GYS1: variants seen among roughly 807,000 people sequenced by gnomAD.
GYS1 encodes glycogen [starch] synthase, muscle.
In GYS1, 60 loss-of-function variants were observed where a neutral mutation model predicts 89.1. That is an observed-to-expected ratio of 0.67 (90% confidence interval 0.55 to 0.84). GYS1 has a LOEUF of 0.84. GYS1 is among the 40% of genes least tolerant of loss of function. The pLI is 0.00. For synonymous variants in GYS1, 366 were observed against 401.7 expected, an observed-to-expected ratio of 0.91 and a Z score of 1.06; for missense variants, 888 against 1,003.1, an observed-to-expected ratio of 0.89 and a Z score of 1.55.
intron 2 of GYS1, among the ~76,000 whole-genome samples, chr19:48,989,240 G>A (rs1003557922): frequency 6.6e-6 from 1 of 151,784 alleles, no homozygotes; most frequent in African/African-American, 2.4e-5. Flanking sequence ...CTAGCTCTTT[G>A]GGGGGCCGAG....
At chr19:48,971,060 C>T (rs765672940) in intron 12 of GYS1, 37 bp from the exon 13 acceptor site, 2 of 1,384,636 alleles carry the variant, frequency 1.4e-6, no homozygotes, top group Admixed American at 1.7e-5. Context: ...CTTAGCTTCC[C>T]TCATCGCCTA....
rs1220009834 is a variant in GYS1, at chr19:48,968,829, C to T, written c.*459G>A. 7 of 457,786 alleles carry T rather than the reference C, an allele frequency of 1.5e-5. No individual in the cohort carries two copies. The highest frequency in any genetic ancestry group is 4.6e-5 in the South Asian group (3 of 64,518). 28.4% of individuals were successfully genotyped at this position (457,786 alleles called of 1,614,324 possible). A position where few individuals can be genotyped will look rare whatever the true frequency, so the allele number is the denominator to read the frequency against. On this transcript the variant is annotated 3_prime_UTR_variant, in exon 16 of 16. Transcript: ENST00000323798. The stretch of plus-strand genomic sequence containing the variant: ...AAAGTGCCCCGGCTCTGGACTTGAT[C>T]GCCCCATTCGCAGGGACACCACGTG...
At chr19:48,988,152 T>C (rs1246437554) in intron 2 of GYS1, among the ~76,000 whole-genome samples, 1 of 152,084 alleles carries the variant, frequency 6.6e-6, no homozygotes, top group African/African-American at 2.4e-5. Context: ...CTGCCTCCTT[T>C]CTCTGCTTAT....
At chr19:48,992,844 T>G in intron 1 of GYS1, 151 bp downstream of exon 1, 1 of 654,576 alleles carries the variant, frequency 1.5e-6, no homozygotes, top group Non-Finnish European at 2.8e-6. Context: ...CCCACCCACC[T>G]CCGGCTTCCC....
At chr19:48,975,305 C>T (rs1280468771) in intron 10 of GYS1, among the ~76,000 whole-genome samples, 1 of 150,154 alleles carries the variant, frequency 6.7e-6, no homozygotes, top group Admixed American at 6.7e-5. Context: ...AACTCATGGG[C>T]TCAAGCGATG....
chr19:48,981,227 A>G (rs946627905), intron 8 of GYS1, among the ~76,000 whole-genome samples: 9 of 151,982 alleles, frequency 5.9e-5, no homozygotes, highest in Admixed American at 2.6e-4. Context: ...AGTCTGGCCA[A>G]TGTGGTGAAA....
At chr19:48,987,944 C>T (rs1043173317) in intron 2 of GYS1, among the ~76,000 whole-genome samples, 6 of 152,180 alleles carry the variant, frequency 3.9e-5, no homozygotes, top group Non-Finnish European at 4.4e-5. Flanking sequence ...GGGACTACAG[C>T]GGCCCGCCAC....
At chr19:48,979,802 C>T (rs973427148) in intron 8 of GYS1, among the ~76,000 whole-genome samples, 4 of 151,502 alleles carry the variant, frequency 2.6e-5, no homozygotes, top group Non-Finnish European at 4.4e-5. Flanking sequence ...TGTGTCACCA[C>T]GCCCTGCTGA....
chr19:48,973,363 C>A (rs891062759), intron 12 of GYS1, among the ~76,000 whole-genome samples: 4 of 151,670 alleles, frequency 2.6e-5, no homozygotes, highest in Admixed American at 6.6e-5. Flanking sequence ...CAGACTAGTA[C>A]TATCTATCAA....
chr19:48,969,036 C>T lies in GYS1; in HGVS notation c.*252G>A, dbSNP rs1326098226. ...AGATTCCTGGCCTCTGGGAAGCGGT[C>T]CAGGCCCAGGGGACTCCAGGGCGCT... is the stretch of plus-strand genomic sequence containing the variant. On this transcript the variant is annotated 3_prime_UTR_variant, in exon 16 of 16. Coordinates refer to ENST00000323798, the MANE Select transcript of GYS1 (RefSeq NM_002103.5). 1.5e-6 allele frequency: 1 copy of T among 661,446 alleles called. No homozygotes were observed. Among genetic ancestry groups the T allele is most frequent in the Non-Finnish European group, 2.7e-6 (1 of 364,364 alleles). The allele number at this position is 661,446 out of a possible 1,614,324, so 41.0% of individuals were successfully genotyped here.
chr19:48,991,380 C>T lies in GYS1; in HGVS notation c.222G>A (p.Arg74=), dbSNP rs748174034. ...GGGCCTCCAGCAGTTCCACCTGGGT[C>T]CTCACGCCCTGCTCCGTGTACGGCC... is the stretch of plus-strand genomic sequence containing the variant. ...LVGPYTEQGV[R]TQVELLEAPT... is the part of the protein sequence containing the mutation. Residue 74 remains arginine (R), a synonymous_variant, in exon 2 of 16, where the codon AGG becomes AGA. Coordinates refer to ENST00000323798, the MANE Select transcript of GYS1 (RefSeq NM_002103.5). This position sits in a 1 kb window ranked among gnomAD's most constrained non-coding sequence, Gnocchi z 4.7. 3.4e-5 allele frequency: 55 copies of T among 1,614,148 alleles called. 1 individual carries two copies. In the Middle Eastern group the frequency reaches 3.3e-3, roughly 97 times the overall value.
chr19:48,987,255 T>TACCACGGC lies in GYS1; in HGVS notation c.423_430dup (p.Tyr144CysfsTer17). On this transcript the variant is annotated frameshift_variant, in exon 3 of 16. Coordinates refer to ENST00000323798, the MANE Select transcript of GYS1 (RefSeq NM_002103.5). LOFTEE classifies it high-confidence loss of function. ...GACAGCGTCGTTGGCCTCGCGGTCG[T>TACCACGGC]ACCACGGCACTCCGATGTTGCAGGT... The TACCACGGC allele has an allele frequency of 6.2e-7, 1 of 1,613,540 alleles. No individual in the cohort carries two copies. The highest frequency in any genetic ancestry group is 8.5e-7 in the Non-Finnish European group (1 of 1,179,748).
intron 2 of GYS1, among the ~76,000 whole-genome samples, chr19:48,990,844 G>A (rs575414992): frequency 6.6e-6 from 1 of 152,292 alleles, no homozygotes; most frequent in East Asian, 1.9e-4. Context: ...GCCCAGGCTG[G>A]AGTGCAGTGG....
In GYS1 at chr19:48,968,579, G is replaced by A. The variant is rs1406775326; in HGVS notation, c.*709C>T. On this transcript the variant is annotated 3_prime_UTR_variant, in exon 16 of 16. Transcript: ENST00000323798. ...CCAGAAAGGGCCAGAAAGACAGGAA[G>A]GCATCTGGACTGAGACTGTGTGTCC... 1 of 454,470 alleles carries A rather than the reference G, an allele frequency of 2.2e-6. No homozygotes were observed. The allele number at this position is 454,470 out of a possible 1,614,324, so 28.2% of individuals were successfully genotyped here.
In GYS1 at chr19:48,991,364, G is replaced by A; in HGVS notation, c.238C>T (p.Leu80=). The A allele has an allele frequency of 1.2e-6, 2 of 1,614,136 alleles. No individual in the cohort carries two copies. The highest frequency in any genetic ancestry group is 8.5e-7 in the Non-Finnish European group (1 of 1,180,050). ...EQGVRTQVEL[L]EAPTPALKRT... Reference sequence around the variant, plus strand: ...TTCAGGGCCGGGGTGGGGGCCTCCAGCAGTTCCACCTGGGTCCTCACGCCC... The same window carrying A: ...TTCAGGGCCGGGGTGGGGGCCTCCAACAGTTCCACCTGGGTCCTCACGCCC... The change falls in exon 2 of 16, where the codon CTG becomes TTG. Residue 80 remains leucine (L), a synonymous_variant. Coordinates refer to ENST00000323798, the MANE Select transcript of GYS1 (RefSeq NM_002103.5). The surrounding 1 kb of genome is among the most constrained non-coding windows in gnomAD (Gnocchi z 4.7).
intron 8 of GYS1, 29 bp downstream of exon 8, chr19:48,981,501 C>T (rs368466027): frequency 2.0e-5 from 25 of 1,247,340 alleles, no homozygotes; most frequent in African/African-American, 1.5e-4. Context: ...GAGTGGGCTG[C>T]GCCAGGGGCC....
At chr19:48,974,093 C>T in intron 12 of GYS1, 120 bp downstream of exon 12, 2 of 1,045,414 alleles carry the variant, frequency 1.9e-6, no homozygotes. Context: ...CAGGTGATTA[C>T]CATTGTTCCT....
At chr19:48,971,683 TA>T (rs1451188083) in intron 12 of GYS1, among the ~76,000 whole-genome samples, 2 of 151,404 alleles carry the variant, frequency 1.3e-5, no homozygotes, top group Non-Finnish European at 2.9e-5. Flanking sequence ...GCCACCCGAG[TA>T]GCTGGGACTA....
rs906191652 is a variant in GYS1 at position 48,991,004 on chromosome 19, A to G, written c.300+298T>C. On this transcript the variant is annotated intron_variant, in intron 2 of 15. Coordinates refer to ENST00000323798, the MANE Select transcript of GYS1 (RefSeq NM_002103.5). This position sits in a 1 kb window ranked among gnomAD's most constrained non-coding sequence, Gnocchi z 4.7. ...GAGACGGGGTTTCGCCATGTTGACC[A>G]GGCTGTCTTTCGATCTTGCTCTCTT... Among the ~76,000 whole-genome samples, 4 of 152,218 alleles carry G rather than the reference A, an allele frequency of 2.6e-5. No individual in the cohort carries two copies. The South Asian group carries it at 8.3e-4, about 32-fold the overall frequency.
Sources: gnomAD v4.1 joint callset for allele counts (sites outside exome capture counted in the v4.1 genomes callset) on GRCh38, gnomAD v4.1.1 for gene constraint, Gnocchi (gnomAD v3.1) non-coding constraint, MANE v1.5 for transcripts, NCBI Gene and HGNC (gene_info 2026-07-23, HGNC 2026-07-21) for gene names.